CHD2: variants seen among roughly 807,000 people sequenced by gnomAD.
CHD2 encodes ATP-dependent chromatin remodeler CHD2.
CHD2 carries 28 observed loss-of-function variants against 243.9 expected under a neutral mutation model. The observed-to-expected ratio is 0.11, with a 90% CI of 0.09 to 0.16. CHD2 has a LOEUF of 0.16. Ranked by LOEUF, CHD2 falls within the 10% of genes least tolerant of loss-of-function variation. The probability of loss-of-function intolerance (pLI) is 1.00; values close to 1 mark genes in which losing one functional copy is unlikely to be tolerated. For synonymous variants in CHD2, 775 were observed against 779.0 expected, an observed-to-expected ratio of 0.99 and a Z score of 0.09; for missense variants, 1,386 against 2,209.8, an observed-to-expected ratio of 0.63 and a Z score of 7.47.
intron 1 of CHD2, 102 bp from the exon 2 acceptor site, chr15:92,901,065 G>T: frequency 1.6e-6 from 1 of 631,322 alleles, no homozygotes; most frequent in Non-Finnish European, 2.9e-6. Context: ...GCTTACCGTT[G>T]TTGTGTTATA....
At chr15:92,936,066 T>C (rs963788435) in intron 5 of CHD2, among the ~76,000 whole-genome samples, 1 of 152,128 alleles carries the variant, frequency 6.6e-6, no homozygotes, top group African/African-American at 2.4e-5. Flanking sequence ...AAACACGCAG[T>C]GCTAGTAGAA....
At chr15:93,004,583 A>G in intron 33 of CHD2, 34 bp from the exon 34 acceptor site, 1 of 1,586,884 alleles carries the variant, frequency 6.3e-7, no homozygotes, top group Non-Finnish European at 8.6e-7. Flanking sequence ...GATTGCACAA[A>G]TGACAATGAC....
chr15:92,929,235 C>T (rs769815951), intron 5 of CHD2, 144 bp downstream of exon 5: 7 of 698,964 alleles, frequency 1.0e-5, no homozygotes, highest in Non-Finnish European at 1.2e-5. Flanking sequence ...GACTGTCTAC[C>T]TTGACCTGTT....
chr15:92,957,837 T>C lies in CHD2; in HGVS notation c.2000+1188T>C, dbSNP rs986817982. On this transcript the variant is annotated intron_variant, in intron 16 of 38. Coordinates refer to ENST00000394196, the MANE Select transcript of CHD2 (RefSeq NM_001271.4). ...TGCAGTTAACCTCTGCTTCCACATA[T>C]AGCCTTAGGCAACCAGTAATCAGCT... Among the ~76,000 whole-genome samples the C allele has an allele frequency of 3.9e-4, 60 of 152,208 alleles. 1 individual carries two copies. The highest frequency in any genetic ancestry group is 1.4e-3 in the African/African-American group (58 of 41,460).
At chr15:92,963,368 T>G (rs1480516670) in intron 16 of CHD2, among the ~76,000 whole-genome samples, 1 of 152,248 alleles carries the variant, frequency 6.6e-6, no homozygotes, top group African/African-American at 2.4e-5. Flanking sequence ...AGGGATTGTA[T>G]GCATCAGTCT....
At chr15:92,980,183 T>G (rs1385957911) in intron 22 of CHD2, among the ~76,000 whole-genome samples, 1 of 150,810 alleles carries the variant, frequency 6.6e-6, no homozygotes, top group East Asian at 1.9e-4. Flanking sequence ...TAGCTGGGAC[T>G]ACAGGTGTGC....
chr15:92,990,424 A>T (rs952477094), intron 26 of CHD2, among the ~76,000 whole-genome samples: 1 of 152,214 alleles, frequency 6.6e-6, no homozygotes, highest in African/African-American at 2.4e-5. Context: ...TTGTGACAAT[A>T]CTGATTGTGA....
At chr15:92,929,397 A>G (rs1423590568) in intron 5 of CHD2, among the ~76,000 whole-genome samples, 1 of 152,216 alleles carries the variant, frequency 6.6e-6, no homozygotes, top group Non-Finnish European at 1.5e-5. Context: ...AAAAATATGT[A>G]TAAATAACAA....
chr15:92,908,681 C>T (rs992147771), intron 2 of CHD2, among the ~76,000 whole-genome samples: 3 of 152,118 alleles, frequency 2.0e-5, no homozygotes, highest in Non-Finnish European at 2.9e-5. Flanking sequence ...TTTTAAATTC[C>T]CTTTTTAGTC....
At chr15:93,013,318 G>C (rs1302940968) in intron 36 of CHD2, among the ~76,000 whole-genome samples, 7 of 152,138 alleles carry the variant, frequency 4.6e-5, no homozygotes, top group African/African-American at 9.7e-5. Context: ...AAGGCCCCAG[G>C]AGGGAATGAA....
chr15:92,929,115 A>T (rs771642185), intron 5 of CHD2, 24 bp downstream of exon 5: 110 of 1,586,516 alleles, frequency 6.9e-5, no homozygotes, highest in Non-Finnish European at 9.1e-5. Context: ...GGGGGAAATT[A>T]TTCAATCTAG....
chr15:92,981,542 C>A, intron 24 of CHD2, 85 bp downstream of exon 24: 1 of 1,039,122 alleles, frequency 9.6e-7, no homozygotes, highest in Non-Finnish European at 1.4e-6. Flanking sequence ...TTGTGCTAGG[C>A]GCTCTGCTTT....
rs3826035 is a variant in CHD2, at chr15:92,991,703, A to G, written c.3455+186A>G. 0.48 allele frequency: 217,576 copies of G among 451,938 alleles called. 56,733 individuals carry two copies. Among genetic ancestry groups the G allele is most frequent in the East Asian group, 0.82 (23,274 of 28,300 alleles). 28.0% of individuals were successfully genotyped at this position (451,938 alleles called of 1,614,324 possible). A position where few individuals can be genotyped will look rare whatever the true frequency, so the allele number is the denominator to read the frequency against. On this transcript the variant is annotated intron_variant, in intron 27 of 38. Coordinates refer to ENST00000394196, the MANE Select transcript of CHD2 (RefSeq NM_001271.4). Reference sequence around the variant, plus strand: ...CATGTCTCTCTGCAGAGGGATGACAAAGATGATAAAGACAGGCCATCCATA... The same window carrying G: ...CATGTCTCTCTGCAGAGGGATGACAGAGATGATAAAGACAGGCCATCCATA...
chr15:92,999,083 C>CAAAAAAAAAAAAAAAA (rs55738843), intron 31 of CHD2, among the ~76,000 whole-genome samples: 5 of 65,528 alleles, frequency 7.6e-5, no homozygotes, highest in South Asian at 7.0e-4. Context: ...GACTCCGTCT[C>CAAAAAAAAAAAAAAAA]AAAAAAAAAA....
chr15:93,014,163 A>AT (rs2054429451), intron 36 of CHD2, among the ~76,000 whole-genome samples: 1 of 152,182 alleles, frequency 6.6e-6, no homozygotes, highest in African/African-American at 2.4e-5. Flanking sequence ...ATTAACAGTA[A>AT]TTCCCTTGCT....
chr15:92,929,332 T>G (rs552957710), intron 5 of CHD2, among the ~76,000 whole-genome samples: 2 of 152,308 alleles, frequency 1.3e-5, no homozygotes, highest in South Asian at 4.1e-4. Context: ...TTGCTTGGGA[T>G]AAATCTCAGC....
intron 20 of CHD2, among the ~76,000 whole-genome samples, chr15:92,977,656 C>G (rs2053927718): frequency 6.6e-6 from 1 of 152,186 alleles, no homozygotes; most frequent in South Asian, 2.1e-4. Flanking sequence ...CCACACATCG[C>G]TCTCCAGCCA....
chr15:92,927,420 C>G, intron 4 of CHD2, 90 bp downstream of exon 4: 1 of 940,962 alleles, frequency 1.1e-6, no homozygotes, highest in Non-Finnish European at 1.7e-6. Context: ...ATTAAAAAGA[C>G]TGAACTTCAG....
intron 2 of CHD2, among the ~76,000 whole-genome samples, chr15:92,920,370 A>C (rs2052932105): frequency 6.6e-6 from 1 of 152,256 alleles, no homozygotes; most frequent in South Asian, 2.1e-4. Context: ...TCTGAAAATA[A>C]CCTAAATGTA....
Sources: allele counts gnomAD v4.1 joint callset (sites outside exome capture counted in the v4.1 genomes callset), GRCh38; gene constraint gnomAD v4.1.1; transcripts MANE v1.5; gene names NCBI Gene and HGNC (gene_info 2026-07-23, HGNC 2026-07-21).